GRID1: variants seen among roughly 807,000 people sequenced by gnomAD.
GRID1 encodes the protein glutamate receptor ionotropic, delta-1.
Under a neutral mutation model 98.0 loss-of-function variants are expected in GRID1, and 28 were observed. The observed-to-expected ratio is 0.29, with a 90% CI of 0.21 to 0.39. The LOEUF is 0.39. GRID1 is among the 10% of genes least tolerant of loss of function. The pLI is 1.00. For synonymous variants in GRID1, 553 were observed against 538.5 expected (o/e 1.03, Z -0.37); for missense variants, 1,111 against 1,340.5 (o/e 0.83, Z 2.67).
chr10:86,222,340 C>T (rs559097458), intron 2 of GRID1, among the ~76,000 whole-genome samples: 20 of 152,288 alleles, frequency 1.3e-4, no homozygotes, highest in South Asian at 6.2e-4. Flanking sequence ...AGGGGGAGGG[C>T]GTGGTCAGTC....
chr10:85,623,086 T>C (rs1423106584), intron 13 of GRID1, among the ~76,000 whole-genome samples: 1 of 152,216 alleles, frequency 6.6e-6, no homozygotes, highest in Non-Finnish European at 1.5e-5. Flanking sequence ...CATTCCTAAA[T>C]GTCGTCTTCA....
intron 4 of GRID1, among the ~76,000 whole-genome samples, chr10:85,947,864 G>A (rs1449376416): frequency 6.6e-6 from 1 of 152,208 alleles, no homozygotes; most frequent in Non-Finnish European, 1.5e-5. Context: ...AGAAATCAAA[G>A]GAGAGCATCT....
intron 12 of GRID1, among the ~76,000 whole-genome samples, chr10:85,695,184 T>A (rs1165924605): frequency 6.6e-6 from 1 of 152,168 alleles, no homozygotes; most frequent in East Asian, 1.9e-4. Context: ...AGTCATCTTT[T>A]CAACAGTCTA....
chr10:86,008,233 A>C (rs1319787589), intron 4 of GRID1, among the ~76,000 whole-genome samples: 2 of 152,152 alleles, frequency 1.3e-5, no homozygotes, highest in East Asian at 3.9e-4. Context: ...AGGAACAGGA[A>C]CTGGGTTCAC....
intron 12 of GRID1, among the ~76,000 whole-genome samples, chr10:85,692,070 T>G (rs552507847): frequency 6.6e-6 from 1 of 152,330 alleles, no homozygotes; most frequent in South Asian, 2.1e-4. Context: ...GCTCCATTTA[T>G]GCAGCTTTCT....
At chr10:85,772,500 C>CA (rs1183661580) in intron 8 of GRID1, among the ~76,000 whole-genome samples, 3 of 151,658 alleles carry the variant, frequency 2.0e-5, no homozygotes, top group African/African-American at 7.3e-5. Context: ...AATAGAGACA[C>CA]AAAAAACCCT....
intron 4 of GRID1, among the ~76,000 whole-genome samples, chr10:85,941,942 T>C (rs1437794896): frequency 6.6e-6 from 1 of 152,192 alleles, no homozygotes; most frequent in Non-Finnish European, 1.5e-5. Context: ...AATTGCATCT[T>C]CATCCTAGGG....
intron 4 of GRID1, among the ~76,000 whole-genome samples, chr10:85,950,727 C>T (rs1047933987): frequency 6.6e-6 from 1 of 152,184 alleles, no homozygotes; most frequent in African/African-American, 2.4e-5. Context: ...GATCTTCCTA[C>T]ACCCCGCTTG....
intron 3 of GRID1, among the ~76,000 whole-genome samples, chr10:86,196,889 C>A (rs2132012341): frequency 6.6e-6 from 1 of 151,748 alleles, no homozygotes; most frequent in Admixed American, 6.5e-5. Flanking sequence ...AATTGGTAAA[C>A]TCAAGGAAAG....
intron 2 of GRID1, among the ~76,000 whole-genome samples, chr10:86,296,620 T>G (rs1483919162): frequency 1.3e-5 from 2 of 152,108 alleles, no homozygotes; most frequent in Non-Finnish European, 2.9e-5. Context: ...GTGCCTGTAA[T>G]CTCAGCTGCT....
chr10:86,364,034 G>A lies in GRID1; in HGVS notation c.142C>T (p.Leu48=), dbSNP rs1301323645. 7.4e-6 allele frequency: 12 copies of A among 1,613,740 alleles called. No individual in the cohort carries two copies. The highest frequency in any genetic ancestry group is 1.0e-5 in the Non-Finnish European group (12 of 1,179,696). Residue 48 remains leucine, a synonymous_variant, in exon 2 of 16, where the codon CTG becomes TTG. Coordinates refer to ENST00000327946, the MANE Select transcript of GRID1 (RefSeq NM_017551.3). The stretch of plus-strand genomic sequence containing the variant: ...TGCAGGATGTCATCGTTGAGGCTCA[G>A]GTCGGATACCGCCAACTGGAACACC... ...DRVFQLAVSD[L]SLNDDILQSE...
intron 13 of GRID1, among the ~76,000 whole-genome samples, chr10:85,641,493 G>T (rs760686002): frequency 1.3e-5 from 2 of 152,180 alleles, no homozygotes; most frequent in Admixed American, 6.6e-5. Flanking sequence ...ACACAAGGGG[G>T]TGGAAACACA....
At chr10:85,937,466 C>G (rs1215013180) in intron 4 of GRID1, among the ~76,000 whole-genome samples, 3 of 152,192 alleles carry the variant, frequency 2.0e-5, no homozygotes, top group Non-Finnish European at 2.9e-5. Context: ...AGCCGAGTAG[C>G]TGTGTTGAAG....
At chr10:85,881,791 A>T (rs1452910380) in intron 5 of GRID1, among the ~76,000 whole-genome samples, 1 of 152,180 alleles carries the variant, frequency 6.6e-6, no homozygotes, top group Non-Finnish European at 1.5e-5. Flanking sequence ...AATTAAACTA[A>T]AGAGCTTCTG....
rs777169738 is a variant in GRID1 at position 86,206,515 on chromosome 10, C to T, written c.369G>A (p.Ser123=). 1.1e-5 allele frequency: 18 copies of T among 1,614,176 alleles called. No homozygotes were observed. The highest frequency in any genetic ancestry group is 2.2e-5 in the East Asian group (1 of 44,886). The change falls in exon 3 of 16, where the codon TCG becomes TCA. Residue 123 remains serine (S), a synonymous_variant. Transcript: ENST00000327946. The surrounding 1 kb of genome is among the most constrained non-coding windows in gnomAD (Gnocchi z 4.1). ...HLFVQRNPGG[S]PRTACHLNPS... ...GGTTCAGGTGGCATGCGGTGCGTGG[C>T]GACCCTCCCGGGTTGCGCTGGACAA...
intron 4 of GRID1, among the ~76,000 whole-genome samples, chr10:86,065,214 A>C (rs1448529394): frequency 6.6e-6 from 1 of 152,248 alleles, no homozygotes; most frequent in Non-Finnish European, 1.5e-5. Flanking sequence ...CAGCGTCAGC[A>C]TCACCTGGAA....
chr10:86,286,365 G>A (rs1253684235), intron 2 of GRID1, among the ~76,000 whole-genome samples: 2 of 152,174 alleles, frequency 1.3e-5, no homozygotes, highest in South Asian at 4.1e-4. Context: ...AGCAGCCTGT[G>A]TCTCCGTGGG....
intron 8 of GRID1, among the ~76,000 whole-genome samples, chr10:85,733,199 G>T (rs1043351645): frequency 6.6e-6 from 1 of 152,062 alleles, no homozygotes; most frequent in African/African-American, 2.4e-5. Context: ...TGAAATAGAA[G>T]GACCTCCAGT....
intron 3 of GRID1, among the ~76,000 whole-genome samples, chr10:86,203,432 T>C (rs528468225): frequency 6.6e-6 from 1 of 151,890 alleles, no homozygotes; most frequent in Non-Finnish European, 1.5e-5. Flanking sequence ...AAACAGCAGA[T>C]AGGCTGAGCT....
Sources: allele counts gnomAD v4.1 joint callset (sites outside exome capture counted in the v4.1 genomes callset), GRCh38; gene constraint gnomAD v4.1.1; non-coding constraint Gnocchi (gnomAD v3.1); transcripts MANE v1.5; gene names NCBI Gene and HGNC (gene_info 2026-07-23, HGNC 2026-07-21).